BCAR3: variants seen among roughly 807,000 people sequenced by gnomAD.
BCAR3 encodes breast cancer anti-estrogen resistance protein 3.
In BCAR3, 37 loss-of-function variants were observed where a neutral mutation model predicts 80.1. That is an observed-to-expected ratio of 0.46 (90% CI 0.36 to 0.61). The LOEUF is 0.61. Ranked by LOEUF, BCAR3 falls within the 20% of genes least tolerant of loss-of-function variation. The pLI is 0.00. For synonymous variants in BCAR3, 389 were observed against 418.9 expected, an observed-to-expected ratio of 0.93 and a Z score of 0.87; for missense variants, 978 against 1,068.2, an observed-to-expected ratio of 0.92 and a Z score of 1.18.
intron 2 of BCAR3, among the ~76,000 whole-genome samples, chr1:93,773,156 C>A (rs184650485): frequency 2.3e-3 from 346 of 152,304 alleles, no homozygotes; most frequent in Non-Finnish European, 3.5e-3. Flanking sequence ...GAGGACCCTA[C>A]GTCCCTTTCT....
At chr1:93,846,357 T>C (rs749493285) in intron 1 of BCAR3, among the ~76,000 whole-genome samples, 3 of 152,170 alleles carry the variant, frequency 2.0e-5, no homozygotes, top group Non-Finnish European at 4.4e-5. Context: ...GCGGCCGCCC[T>C]GCGAATCCTC....
intron 2 of BCAR3, among the ~76,000 whole-genome samples, chr1:93,725,621 GCTTAA>G (rs1347155012): frequency 2.0e-5 from 3 of 152,116 alleles, no homozygotes; most frequent in Admixed American, 6.5e-5. Context: ...TTTTAATGTA[GCTTAA>G]CTTATTAATC....
chr1:93,587,865 T>C (rs2101841599), intron 5 of BCAR3, among the ~76,000 whole-genome samples: 1 of 152,128 alleles, frequency 6.6e-6, no homozygotes, highest in Non-Finnish European at 1.5e-5. Context: ...TTTTAGATAA[T>C]ATGCACAAAG....
intron 2 of BCAR3, among the ~76,000 whole-genome samples, chr1:93,737,601 T>G (rs1297767645): frequency 6.6e-6 from 1 of 152,212 alleles, no homozygotes; most frequent in Non-Finnish European, 1.5e-5. Flanking sequence ...TCTGGACTTT[T>G]GGCCTCCTGA....
intron 3 of BCAR3, among the ~76,000 whole-genome samples, chr1:93,620,060 G>A (rs1014554279): frequency 1.3e-5 from 2 of 152,096 alleles, no homozygotes; most frequent in Admixed American, 6.5e-5. Flanking sequence ...TTCCCCCTTC[G>A]AAAGAAGGGA....
At chr1:93,661,334 CG>C (rs1163784811) in intron 2 of BCAR3, among the ~76,000 whole-genome samples, 1 of 151,998 alleles carries the variant, frequency 6.6e-6, no homozygotes, top group Non-Finnish European at 1.5e-5. Flanking sequence ...CCACTGCACC[CG>C]GCCTACAAAT....
intron 5 of BCAR3, chr1:93,585,122 T>C: frequency 1.0e-6 from 1 of 984,410 alleles, no homozygotes; most frequent in Non-Finnish European, 1.2e-6. Context: ...CAGTGACCAC[T>C]GCGGCTGGAC....
intron 2 of BCAR3, among the ~76,000 whole-genome samples, chr1:93,821,421 G>A (rs1290598745): frequency 6.6e-6 from 1 of 152,200 alleles, no homozygotes; most frequent in African/African-American, 2.4e-5. Context: ...GGATGCAGAT[G>A]GAGTTCAGAG....
rs147155903 is a variant in BCAR3, at chr1:93,562,391, T to G, written c.2328A>C (p.Glu776Asp). ...GCATTTGAAATTCAGTCTTGCAGAT[T>G]TCATTCATTTCTTCATCTGGTTGAA... Reference protein sequence around the residue: ...AGFQPDEEMNEICKTEFQMRL... With the variant: ...AGFQPDEEMNDICKTEFQMRL... The change falls in exon 12 of 12, where the codon GAA becomes GAC. Residue 776 changes from glutamate (E) to aspartate (D), a missense_variant. Coordinates refer to ENST00000260502, the MANE Select transcript of BCAR3 (RefSeq NM_003567.4). The G allele has an allele frequency of 1.0e-4, 166 of 1,613,612 alleles. No individual in the cohort carries two copies. The highest frequency in any genetic ancestry group is 1.4e-4 in the Non-Finnish European group (164 of 1,179,846).
intron 2 of BCAR3, among the ~76,000 whole-genome samples, chr1:93,833,691 T>G (rs1024058283): frequency 5.3e-5 from 8 of 152,270 alleles, no homozygotes; most frequent in Non-Finnish European, 1.2e-4. Context: ...CCACAGGCAG[T>G]CAGACTTCAT....
intron 11 of BCAR3, among the ~76,000 whole-genome samples, chr1:93,566,203 T>TC: frequency 6.6e-6 from 1 of 152,192 alleles, no homozygotes; most frequent in South Asian, 2.1e-4. Flanking sequence ...TACTTGTGGA[T>TC]CCCAGTTTTC....
intron 2 of BCAR3, among the ~76,000 whole-genome samples, chr1:93,826,852 G>A (rs12091446): frequency 0.025 from 3,857 of 152,196 alleles, 178 homozygotes; most frequent in African/African-American, 0.087. Flanking sequence ...ATGCCTATGT[G>A]TACCTGGGAG....
At chr1:93,612,390 C>T (rs1462268858) in intron 3 of BCAR3, among the ~76,000 whole-genome samples, 1 of 151,998 alleles carries the variant, frequency 6.6e-6, no homozygotes, top group East Asian at 1.9e-4. Flanking sequence ...GACAGCTGGA[C>T]CCGACTACCC....
rs140059181 is a variant in BCAR3 at position 93,663,725 on chromosome 1, C to T, written c.317+10889G>A. On this transcript the variant is annotated intron_variant, in intron 2 of 11. Coordinates refer to ENST00000260502, the MANE Select transcript of BCAR3 (RefSeq NM_003567.4). Reference sequence around the variant, plus strand: ...CCAGCACCTAGCATAAAGCCTGGCACACCAAAGTTCAACATACTTGTGAAT... The same window carrying T: ...CCAGCACCTAGCATAAAGCCTGGCATACCAAAGTTCAACATACTTGTGAAT... Among the ~76,000 whole-genome samples, 306 of 152,296 alleles carry T rather than the reference C, an allele frequency of 2.0e-3. 2 individuals carry two copies. Among genetic ancestry groups the T allele is most frequent in the African/African-American group, 6.9e-3 (285 of 41,564 alleles).
intron 11 of BCAR3, among the ~76,000 whole-genome samples, chr1:93,563,146 C>A (rs976795432): frequency 6.6e-6 from 1 of 152,172 alleles, no homozygotes; most frequent in East Asian, 1.9e-4. Context: ...TAAGTTTTTA[C>A]ATAAACCATT....
At chr1:93,623,831 G>A (rs1675383156) in intron 3 of BCAR3, among the ~76,000 whole-genome samples, 1 of 152,136 alleles carries the variant, frequency 6.6e-6, no homozygotes, top group African/African-American at 2.4e-5. Context: ...TATAAAATGT[G>A]ATCTCTGTAT....
intron 2 of BCAR3, among the ~76,000 whole-genome samples, chr1:93,649,709 G>A (rs974221554): frequency 3.9e-5 from 6 of 151,962 alleles, no homozygotes; most frequent in Admixed American, 6.6e-5. Flanking sequence ...TGCCTTTTGT[G>A]ATATGACGAA....
chr1:93,677,109 T>C (rs1648521759), intron 1 of BCAR3, among the ~76,000 whole-genome samples: 1 of 152,218 alleles, frequency 6.6e-6, no homozygotes, highest in South Asian at 2.1e-4. Flanking sequence ...TAAGGCCCAA[T>C]ACCTGACTAT....
chr1:93,707,194 T>C (rs1316194911), intron 2 of BCAR3, among the ~76,000 whole-genome samples: 2 of 151,880 alleles, frequency 1.3e-5, no homozygotes, highest in African/African-American at 4.8e-5. Flanking sequence ...AAAAAAAGTA[T>C]ACAGTTTAAA....
Sources: allele counts gnomAD v4.1 joint callset (sites outside exome capture counted in the v4.1 genomes callset), GRCh38; gene constraint gnomAD v4.1.1; transcripts MANE v1.5; gene names NCBI Gene and HGNC (gene_info 2026-07-23, HGNC 2026-07-21).